The following GPC6 variants were observed in gnomAD, a reference collection of about 807,000 sequenced individuals.
GPC6 encodes the protein glypican 6, also known as glypican-6.
GPC6 carries 14 observed loss-of-function variants against 55.2 expected under a neutral mutation model. The ratio of observed to expected loss-of-function variants is 0.25; its 90% CI spans 0.17 to 0.40. GPC6 has a LOEUF of 0.40. Among genes scored for constraint, GPC6 ranks in the 10% least tolerant of loss-of-function variants. The pLI is 1.00. For synonymous variants in GPC6, 278 were observed against 259.6 expected (o/e 1.07, Z -0.68); for missense variants, 641 against 708.5 (o/e 0.90, Z 1.08).
intron 2 of GPC6, among the ~76,000 whole-genome samples, chr13:93,627,167 C>G (rs1369359076): frequency 6.6e-6 from 1 of 152,030 alleles, no homozygotes; most frequent in South Asian, 2.1e-4. Context: ...CCCCACCCCC[C>G]AATAGGCCCT....
chr13:94,364,581 C>A (rs1879206760), intron 6 of GPC6, among the ~76,000 whole-genome samples: 1 of 152,170 alleles, frequency 6.6e-6, no homozygotes, highest in South Asian at 2.1e-4. Context: ...CTTCTCACAC[C>A]CTACAACCCT....
chr13:94,087,866 G>A lies in GPC6; in HGVS notation c.877+59972G>A, dbSNP rs112670062. ...TCCTGTGAACCTGAGAGCCTGATAA[G>A]ATCTTTTGTATCCTTTGGAGAAGCA... On this transcript the variant is annotated intron_variant, in intron 4 of 8. Coordinates refer to ENST00000377047, the MANE Select transcript of GPC6 (RefSeq NM_005708.5). 3.7e-3 allele frequency among the ~76,000 whole-genome samples: 558 copies of A among 152,306 alleles called. 4 individuals are homozygous for A. The highest frequency in any genetic ancestry group is 0.012 in the African/African-American group (518 of 41,572).
Position 93,768,906 on chromosome 13 carries a change from C to T in GPC6, c.320-61248C>T, listed in dbSNP as rs920765378. Among the ~76,000 whole-genome samples, 3 of 151,976 alleles carry T rather than the reference C, an allele frequency of 2.0e-5. No homozygotes were observed. In the East Asian group the frequency reaches 5.8e-4, roughly 29 times the overall value. On this transcript the variant is annotated intron_variant, in intron 2 of 8. Coordinates refer to ENST00000377047, the MANE Select transcript of GPC6 (RefSeq NM_005708.5). ...AAAAGGATGCCCTTTTACTAGATCC[C>T]AACTGGGAGCTTTATGGGATTATTT...
intron 3 of GPC6, among the ~76,000 whole-genome samples, chr13:93,856,263 G>C (rs999978976): frequency 2.0e-5 from 3 of 151,570 alleles, no homozygotes; most frequent in African/African-American, 7.3e-5. Context: ...GCAGCTGAAA[G>C]TTGAGAGTTA....
chr13:93,327,766 T>C (rs901883647), intron 1 of GPC6, among the ~76,000 whole-genome samples: 1 of 151,310 alleles, frequency 6.6e-6, no homozygotes, highest in African/African-American at 2.4e-5. Flanking sequence ...ATATAATATA[T>C]ATATATGTAT....
intron 3 of GPC6, among the ~76,000 whole-genome samples, chr13:93,997,661 A>T (rs777868334): frequency 5.9e-5 from 9 of 152,062 alleles, no homozygotes; most frequent in Non-Finnish European, 1.2e-4. Context: ...AATAATTTTG[A>T]TAAAGGAAGA....
chr13:93,383,527 T>C (rs904634577), intron 1 of GPC6, among the ~76,000 whole-genome samples: 7 of 152,160 alleles, frequency 4.6e-5, no homozygotes, highest in African/African-American at 1.7e-4. Context: ...GAAATCTCTA[T>C]TGATGTACTG....
At chr13:94,387,100 G>A (rs952879206) in intron 7 of GPC6, among the ~76,000 whole-genome samples, 3 of 152,174 alleles carry the variant, frequency 2.0e-5, no homozygotes, top group East Asian at 3.9e-4. Flanking sequence ...ACAGCAGTAT[G>A]GGTGCTGTGG....
At chr13:93,973,577 TGTG>T (rs1297126711) in intron 3 of GPC6, among the ~76,000 whole-genome samples, 1 of 152,194 alleles carries the variant, frequency 6.6e-6, no homozygotes, top group Admixed American at 6.6e-5. Context: ...GTTTTTGTTT[TGTG>T]GTGAGACAAC....
intron 1 of GPC6, among the ~76,000 whole-genome samples, chr13:93,391,788 T>C (rs927644697): frequency 6.6e-6 from 1 of 152,168 alleles, no homozygotes; most frequent in Non-Finnish European, 1.5e-5. Context: ...CAAGATAGCA[T>C]GTTTCATTGG....
At chr13:93,965,614 G>T (rs1175900241) in intron 3 of GPC6, among the ~76,000 whole-genome samples, 1 of 152,036 alleles carries the variant, frequency 6.6e-6, no homozygotes, top group Non-Finnish European at 1.5e-5. Flanking sequence ...TTAAAACTTG[G>T]TCACCAAGAG....
intron 1 of GPC6, among the ~76,000 whole-genome samples, chr13:93,419,015 G>A (rs114465160): frequency 0.02 from 2,951 of 150,216 alleles, 116 homozygotes; most frequent in African/African-American, 0.068. Flanking sequence ...TTTATTAATA[G>A]CACTATGCCA....
chr13:94,111,141 C>G (rs1057446382), intron 4 of GPC6, among the ~76,000 whole-genome samples: 2 of 152,016 alleles, frequency 1.3e-5, no homozygotes, highest in African/African-American at 4.8e-5. Flanking sequence ...CTCTAAATAT[C>G]CTATTCATAT....
At chr13:93,944,153 CCA>C (rs1878871120) in intron 3 of GPC6, among the ~76,000 whole-genome samples, 1 of 151,504 alleles carries the variant, frequency 6.6e-6, no homozygotes, top group African/African-American at 2.4e-5. Flanking sequence ...GAAACAAATT[CCA>C]GTTTCTTCCT....
At chr13:94,121,483 C>A (rs995077664) in intron 4 of GPC6, among the ~76,000 whole-genome samples, 2 of 152,056 alleles carry the variant, frequency 1.3e-5, no homozygotes, top group East Asian at 3.9e-4. Context: ...GTTTTTCAAG[C>A]AGTAATTATC....
intron 6 of GPC6, among the ~76,000 whole-genome samples, chr13:94,350,738 A>G (rs895487610): frequency 2.6e-5 from 4 of 152,182 alleles, no homozygotes. Context: ...CAGAATGAAA[A>G]GCAAATTCCC....
At chr13:93,693,980 A>G (rs1427727902) in intron 2 of GPC6, among the ~76,000 whole-genome samples, 15 of 152,202 alleles carry the variant, frequency 9.9e-5, no homozygotes, top group African/African-American at 3.4e-4. Flanking sequence ...TATGTAAGTA[A>G]CTGAATAAGC....
chr13:93,805,145 T>C (rs1886504689), intron 2 of GPC6, among the ~76,000 whole-genome samples: 1 of 152,166 alleles, frequency 6.6e-6, no homozygotes, highest in Admixed American at 6.6e-5. Context: ...AAGAATAATT[T>C]ACAATAAAAC....
At chr13:93,677,735 A>G (rs1487113640) in intron 2 of GPC6, among the ~76,000 whole-genome samples, 3 of 152,172 alleles carry the variant, frequency 2.0e-5, no homozygotes, top group African/African-American at 7.2e-5. Flanking sequence ...TAAAACAGAG[A>G]TAAGGGTAAA....
Sources: allele counts gnomAD v4.1 joint callset (sites outside exome capture counted in the v4.1 genomes callset), GRCh38; gene constraint gnomAD v4.1.1; transcripts MANE v1.5; gene names NCBI Gene and HGNC (gene_info 2026-07-23, HGNC 2026-07-21).